The following BCO1 variants were observed in gnomAD, a reference collection of about 807,000 sequenced individuals.
The protein encoded by BCO1 is beta-carotene oxygenase 1.
A neutral mutation model predicts 56.3 loss-of-function variants in BCO1; 54 were observed. The observed-to-expected ratio is 0.96, with a 90% confidence interval of 0.77 to 1.20. The LOEUF (loss-of-function observed/expected upper bound fraction) is 1.20, where lower values mean the gene tolerates loss of function less well. Among genes scored for constraint, BCO1 ranks in the 50% most tolerant of loss-of-function variants. BCO1 has a pLI of 0.00. For synonymous variants in BCO1, 318 were observed against 266.1 expected (o/e 1.20, Z -1.90); for missense variants, 801 against 690.9 (o/e 1.16, Z -1.79).
intron 7 of BCO1, among the ~76,000 whole-genome samples, chr16:81,270,859 C>CT (rs2151942381): frequency 6.6e-6 from 1 of 152,166 alleles, no homozygotes; most frequent in Admixed American, 6.5e-5. Context: ...ATTCTCCTGC[C>CT]TCAGCCTCTG....
At chr16:81,268,175 A>T (rs760814559) in intron 6 of BCO1, 44 bp downstream of exon 6, 7 of 1,552,196 alleles carry the variant, frequency 4.5e-6, no homozygotes, top group Non-Finnish European at 4.4e-6. Flanking sequence ...CTGGCTGACC[A>T]TGGAGGGAGG....
intron 7 of BCO1, among the ~76,000 whole-genome samples, chr16:81,278,204 G>A (rs1364796154): frequency 6.6e-6 from 1 of 152,086 alleles, no homozygotes; most frequent in Non-Finnish European, 1.5e-5. Flanking sequence ...ACCACGCAGG[G>A]CTAATTTTTA....
chr16:81,256,717 G>A (rs1356919728), intron 2 of BCO1, among the ~76,000 whole-genome samples: 7 of 151,908 alleles, frequency 4.6e-5, no homozygotes, highest in Admixed American at 3.9e-4. Flanking sequence ...GTAAAACCTC[G>A]TCTCTACTAA....
At chr16:81,267,544 C>T (rs781664442) in intron 5 of BCO1, among the ~76,000 whole-genome samples, 3 of 152,240 alleles carry the variant, frequency 2.0e-5, no homozygotes, top group South Asian at 2.1e-4. Context: ...ACCTGGGAGG[C>T]GGAGATTGAA....
intron 8 of BCO1, among the ~76,000 whole-genome samples, chr16:81,285,072 T>C (rs1908099573): frequency 6.6e-6 from 1 of 152,182 alleles, no homozygotes; most frequent in South Asian, 2.1e-4. Context: ...ACTCCCGAAC[T>C]CAAGTGATCT....
chr16:81,249,822 C>T (rs1425896980), intron 2 of BCO1, among the ~76,000 whole-genome samples: 8 of 152,196 alleles, frequency 5.3e-5, no homozygotes, highest in Admixed American at 5.2e-4. Flanking sequence ...AGGGTTCATG[C>T]CCCATTCTGC....
intron 1 of BCO1, among the ~76,000 whole-genome samples, chr16:81,241,902 C>T (rs944273952): frequency 6.6e-6 from 1 of 152,148 alleles, no homozygotes; most frequent in African/African-American, 2.4e-5. Context: ...GTTCTGAGAC[C>T]TCTTTGGCAA....
intron 2 of BCO1, among the ~76,000 whole-genome samples, chr16:81,250,576 A>AG (rs780885306): frequency 2.3e-5 from 3 of 130,174 alleles, no homozygotes; most frequent in Non-Finnish European, 4.8e-5. Context: ...TTCTCAATAA[A>AG]GCTTTTTTTT....
chr16:81,289,934 G>C (rs536422324), intron 10 of BCO1, among the ~76,000 whole-genome samples: 3 of 152,228 alleles, frequency 2.0e-5, no homozygotes, highest in South Asian at 4.2e-4. Context: ...GCACGATCTC[G>C]GCTCACCGCA....
intron 2 of BCO1, among the ~76,000 whole-genome samples, chr16:81,253,597 C>T (rs1175380618): frequency 6.6e-6 from 1 of 152,142 alleles, no homozygotes; most frequent in Non-Finnish European, 1.5e-5. Context: ...CCTGGTCAGC[C>T]CCAAAGCTCA....
intron 7 of BCO1, among the ~76,000 whole-genome samples, chr16:81,271,378 G>C (rs1907207089): frequency 6.6e-6 from 1 of 152,180 alleles, no homozygotes; most frequent in African/African-American, 2.4e-5. Context: ...GCCTCCCAAA[G>C]AGCTGAGATT....
At chr16:81,273,115 AT>A (rs1352773386) in intron 7 of BCO1, among the ~76,000 whole-genome samples, 1 of 152,148 alleles carries the variant, frequency 6.6e-6, no homozygotes, top group Non-Finnish European at 1.5e-5. Context: ...GATTACAGGC[AT>A]GTGCCAGCAC....
At chr16:81,246,231 C>T (rs1167176829) in intron 2 of BCO1, among the ~76,000 whole-genome samples, 2 of 152,012 alleles carry the variant, frequency 1.3e-5, no homozygotes, top group Non-Finnish European at 2.9e-5. Flanking sequence ...TTCCTGCCTC[C>T]CTCTTATAAG....
intron 7 of BCO1, among the ~76,000 whole-genome samples, chr16:81,273,399 A>G (rs1250963148): frequency 6.6e-6 from 1 of 152,104 alleles, no homozygotes; most frequent in African/African-American, 2.4e-5. Flanking sequence ...GGCCTGGCAG[A>G]CGGTCCTACA....
chr16:81,288,416 C>T (rs1292896209), intron 10 of BCO1, among the ~76,000 whole-genome samples: 1 of 152,116 alleles, frequency 6.6e-6, no homozygotes, highest in Non-Finnish European at 1.5e-5. Flanking sequence ...GGGCACACCA[C>T]CATGCCTAGC....
intron 1 of BCO1, among the ~76,000 whole-genome samples, chr16:81,242,850 C>T (rs1188269788): frequency 6.6e-6 from 1 of 152,116 alleles, no homozygotes; most frequent in Admixed American, 6.6e-5. Context: ...ATTAGATTCT[C>T]ATATGAGTGC....
At chr16:81,248,194 G>C (rs1293308763) in intron 2 of BCO1, among the ~76,000 whole-genome samples, 1 of 151,920 alleles carries the variant, frequency 6.6e-6, no homozygotes, top group African/African-American at 2.4e-5. Flanking sequence ...CTGAGATCAG[G>C]AGTTCGAGAC....
At chr16:81,255,067 G>C (rs572534176) in intron 2 of BCO1, among the ~76,000 whole-genome samples, 2 of 152,350 alleles carry the variant, frequency 1.3e-5, no homozygotes, top group East Asian at 3.9e-4. Flanking sequence ...ACAGGCATGA[G>C]CCATTGCACC....
chr16:81,257,032 A>C (rs1288162967), intron 2 of BCO1, among the ~76,000 whole-genome samples: 1 of 152,154 alleles, frequency 6.6e-6, no homozygotes, highest in Non-Finnish European at 1.5e-5. Context: ...AGGGTTCTGC[A>C]TTTTCCCAAC....
Sources: gnomAD v4.1 joint callset for allele counts (sites outside exome capture counted in the v4.1 genomes callset) on GRCh38, gnomAD v4.1.1 for gene constraint, MANE v1.5 for transcripts, NCBI Gene and HGNC (gene_info 2026-07-23, HGNC 2026-07-21) for gene names.